The following ANKFN1 variants were observed in gnomAD, a reference collection of about 807,000 sequenced individuals.
The protein encoded by ANKFN1 is ankyrin repeat and fibronectin type III domain containing 1.
In ANKFN1, 74 loss-of-function variants were observed where a neutral mutation model predicts 108.7. The observed-to-expected ratio is 0.68, with a 90% confidence interval of 0.56 to 0.83. ANKFN1 has a LOEUF of 0.83. Among genes scored for constraint, ANKFN1 ranks in the 40% least tolerant of loss-of-function variants. The pLI, the probability that ANKFN1 is intolerant of heterozygous loss-of-function variation, is 0.00. For missense variants in ANKFN1, 1,505 were observed against 1,382.3 expected (o/e 1.09, Z -1.41); for synonymous variants, 547 against 516.2 (o/e 1.06, Z -0.81).
At chr17:56,243,715 G>A (rs1054914635) in intron 3 of ANKFN1, among the ~76,000 whole-genome samples, 3 of 151,902 alleles carry the variant, frequency 2.0e-5, no homozygotes, top group African/African-American at 2.4e-5. Context: ...CCCATCCCCT[G>A]TTTATCTCCT....
At chr17:56,167,824 G>A (rs560329916) in intron 1 of ANKFN1, among the ~76,000 whole-genome samples, 1 of 152,270 alleles carries the variant, frequency 6.6e-6, no homozygotes, top group South Asian at 2.1e-4. Context: ...GAGAGAGAGT[G>A]TAAAGGCTCT....
chr17:56,231,071 T>C (rs1896903729), intron 3 of ANKFN1, among the ~76,000 whole-genome samples: 1 of 152,158 alleles, frequency 6.6e-6, no homozygotes, highest in Non-Finnish European at 1.5e-5. Flanking sequence ...GAGGCTTTCA[T>C]TGTCTGGGCA....
intron 4 of ANKFN1, among the ~76,000 whole-genome samples, chr17:56,058,935 T>A (rs1567779182): frequency 6.6e-6 from 1 of 152,204 alleles, no homozygotes. Flanking sequence ...TTTATAACCC[T>A]TTGGGTATAA....
chr17:56,138,786 TAA>T (rs1242301813), intron 4 of ANKFN1, among the ~76,000 whole-genome samples: 1 of 152,066 alleles, frequency 6.6e-6, no homozygotes, highest in Non-Finnish European at 1.5e-5. Context: ...GCTAGGATTA[TAA>T]GTGTGAGCCA....
chr17:56,422,497 A>G (rs2048441841), intron 8 of ANKFN1, among the ~76,000 whole-genome samples: 1 of 151,962 alleles, frequency 6.6e-6, no homozygotes, highest in African/African-American at 2.4e-5. Flanking sequence ...GCACATACAC[A>G]CACACACGCA....
chr17:56,200,542 T>A (rs2143752122), intron 1 of ANKFN1, among the ~76,000 whole-genome samples: 1 of 152,368 alleles, frequency 6.6e-6, no homozygotes, highest in Admixed American at 6.5e-5. Context: ...AGAGCAATTC[T>A]ATTTGAAGAA....
At chr17:56,230,689 TG>T (rs1916668711) in intron 3 of ANKFN1, among the ~76,000 whole-genome samples, 1 of 152,118 alleles carries the variant, frequency 6.6e-6, no homozygotes, top group Non-Finnish European at 1.5e-5. Flanking sequence ...AATTATCTTC[TG>T]GGTGGTATGG....
chr17:56,440,753 T>TA (rs2049076063), intron 9 of ANKFN1, among the ~76,000 whole-genome samples: 1 of 152,118 alleles, frequency 6.6e-6, no homozygotes, highest in Non-Finnish European at 1.5e-5. Context: ...GAGATGCAAT[T>TA]TTGACTCCCT....
intron 3 of ANKFN1, among the ~76,000 whole-genome samples, chr17:56,322,513 C>T (rs990451955): frequency 1.3e-5 from 2 of 152,134 alleles, no homozygotes; most frequent in African/African-American, 2.4e-5. Flanking sequence ...ACATGGTGTT[C>T]GAGCTCTCCC....
chr17:56,071,360 C>T (rs1322853230), intron 4 of ANKFN1, among the ~76,000 whole-genome samples: 1 of 152,190 alleles, frequency 6.6e-6, no homozygotes, highest in Non-Finnish European at 1.5e-5. Context: ...GTGATTCCCT[C>T]TGCAATGACT....
intron 19 of ANKFN1, among the ~76,000 whole-genome samples, chr17:56,493,526 A>C (rs1472843691): frequency 6.6e-6 from 1 of 152,172 alleles, no homozygotes; most frequent in Non-Finnish European, 1.5e-5. Flanking sequence ...TGAGAGGTAG[A>C]AATTAGGCAA....
chr17:56,132,791 C>G (rs931534556), intron 4 of ANKFN1, among the ~76,000 whole-genome samples: 2 of 152,058 alleles, frequency 1.3e-5, no homozygotes, highest in African/African-American at 4.8e-5. Context: ...AGCCCTCTAG[C>G]TAGTTCTCTG....
At chr17:56,054,558 A>C (rs911209064) in intron 4 of ANKFN1, among the ~76,000 whole-genome samples, 2 of 152,210 alleles carry the variant, frequency 1.3e-5, no homozygotes, top group African/African-American at 2.4e-5. Flanking sequence ...TCTGTAGTCT[A>C]TTAAGTTTAC....
chr17:56,412,504 A>G (rs1364733344), intron 8 of ANKFN1, among the ~76,000 whole-genome samples: 1 of 152,212 alleles, frequency 6.6e-6, no homozygotes, highest in Non-Finnish European at 1.5e-5. Context: ...TGTGGGTACC[A>G]ACTAATCAGC....
chr17:56,101,251 G>T (rs918306481), intron 4 of ANKFN1, among the ~76,000 whole-genome samples: 1 of 152,150 alleles, frequency 6.6e-6, no homozygotes, highest in African/African-American at 2.4e-5. Context: ...ACAGCAACCT[G>T]AAATGACAAA....
In ANKFN1 at chr17:56,466,579, GT is replaced by G. The variant is rs746390697; in HGVS notation, c.1773+15del. 4 of 1,593,440 alleles carry G rather than the reference GT, an allele frequency of 2.5e-6. No individual in the cohort carries two copies. Among genetic ancestry groups the G allele is most frequent in the East Asian group, 2.3e-5 (1 of 43,766 alleles). On this transcript the variant is annotated intron_variant, in intron 15 of 20. Transcript: ENST00000682825. ...CTACTGATAACCATCCAGGTATGTA[GT>G]TTTTTTCTTAATTCCCGGGTATACT...
At chr17:56,293,316 G>T (rs553245250) in intron 3 of ANKFN1, among the ~76,000 whole-genome samples, 1 of 152,104 alleles carries the variant, frequency 6.6e-6, no homozygotes, top group Non-Finnish European at 1.5e-5. Context: ...TCCCCATCTT[G>T]TTTTGAATTC....
At chr17:56,107,355 A>G (rs9913362) in intron 4 of ANKFN1, among the ~76,000 whole-genome samples, 80,121 of 151,932 alleles carry the variant, frequency 0.53, 21,488 homozygotes, top group East Asian at 0.81. Context: ...ATGTCCCCAA[A>G]AAAAGGCCAA....
At chr17:56,234,676 A>G (rs974229176) in intron 3 of ANKFN1, among the ~76,000 whole-genome samples, 1 of 152,154 alleles carries the variant, frequency 6.6e-6, no homozygotes, top group African/African-American at 2.4e-5. Flanking sequence ...CACAAAAGAC[A>G]TCATCTCATT....
Sources: gnomAD v4.1 joint callset for allele counts (sites outside exome capture counted in the v4.1 genomes callset) on GRCh38, gnomAD v4.1.1 for gene constraint, MANE v1.5 for transcripts, NCBI Gene and HGNC (gene_info 2026-07-23, HGNC 2026-07-21) for gene names.